The following GDPD5 variants were observed in gnomAD, a reference collection of about 807,000 sequenced individuals.
The protein encoded by GDPD5 is glycerophosphodiester phosphodiesterase 2.
A neutral mutation model predicts 75.1 loss-of-function variants in GDPD5; 48 were observed. The ratio of observed to expected loss-of-function variants is 0.64; its 90% CI spans 0.51 to 0.81. GDPD5 has a LOEUF of 0.81. Among genes scored for constraint, GDPD5 ranks in the 40% least tolerant of loss-of-function variants. The pLI is 0.00. For missense variants in GDPD5, 706 were observed against 822.6 expected, an observed-to-expected ratio of 0.86 and a Z score of 1.73; for synonymous variants, 336 against 339.0, an observed-to-expected ratio of 0.99 and a Z score of 0.10.
At chr11:75,447,205 G>A (rs898991499) in intron 9 of GDPD5, among the ~76,000 whole-genome samples, 1 of 152,132 alleles carries the variant, frequency 6.6e-6, no homozygotes, top group African/African-American at 2.4e-5. Context: ...CAAATCAAAA[G>A]GCACTCAGGA....
intron 4 of GDPD5, among the ~76,000 whole-genome samples, chr11:75,459,264 CT>C (rs1298371702): frequency 6.6e-6 from 1 of 151,946 alleles, no homozygotes; most frequent in African/African-American, 2.4e-5. Flanking sequence ...TTATACATAT[CT>C]TTCTGTATTT....
chr11:75,501,417 G>C (rs937069275), intron 1 of GDPD5, among the ~76,000 whole-genome samples: 1 of 152,224 alleles, frequency 6.6e-6, no homozygotes, highest in African/African-American at 2.4e-5. Context: ...GACATGAGTG[G>C]GCACACTGGC....
intron 1 of GDPD5, among the ~76,000 whole-genome samples, chr11:75,522,797 A>G (rs1941516402): frequency 6.6e-6 from 1 of 152,012 alleles, no homozygotes; most frequent in Non-Finnish European, 1.5e-5. Context: ...TTAATTATTC[A>G]CTGCACCTTG....
chr11:75,469,738 A>G (rs930465611), intron 3 of GDPD5, among the ~76,000 whole-genome samples: 1 of 152,242 alleles, frequency 6.6e-6, no homozygotes, highest in African/African-American at 2.4e-5. Context: ...TGGCCTGGAA[A>G]TGTGGGCAAG....
intron 6 of GDPD5, 22 bp downstream of exon 6, chr11:75,456,735 C>G (rs373739578): frequency 1.9e-6 from 3 of 1,613,672 alleles, no homozygotes; most frequent in South Asian, 1.1e-5. Context: ...TCTCTCCCAG[C>G]CCCGGCCGAG....
At chr11:75,456,890 G>T in intron 5 of GDPD5, 74 bp from the exon 6 acceptor site, 1 of 1,424,578 alleles carries the variant, frequency 7.0e-7, no homozygotes, top group Non-Finnish European at 9.9e-7. Flanking sequence ...CAGACACCCT[G>T]CTCCCCACTG....
At chr11:75,479,029 T>C (rs1949845514) in intron 2 of GDPD5, among the ~76,000 whole-genome samples, 1 of 152,158 alleles carries the variant, frequency 6.6e-6, no homozygotes, top group African/African-American at 2.4e-5. Flanking sequence ...AGAGGTGTCT[T>C]GAGGGTTGAA....
intron 9 of GDPD5, among the ~76,000 whole-genome samples, chr11:75,446,460 G>C (rs1289692047): frequency 6.6e-6 from 1 of 152,196 alleles, no homozygotes; most frequent in African/African-American, 2.4e-5. Context: ...GGTGTGCATA[G>C]GGGGGTGGTG....
In GDPD5 at chr11:75,457,712, G is replaced by A. The variant is rs1949314571; in HGVS notation, c.296C>T (p.Ala99Val). 6.2e-7 allele frequency: 1 copy of A among 1,614,034 alleles called. No homozygotes were observed. Among genetic ancestry groups the A allele is most frequent in the Admixed American group, 1.7e-5 (1 of 60,016 alleles). Residue 99 changes from alanine to valine, a missense_variant, in exon 5 of 17, where the codon GCA becomes GTA. Physicochemically the swap from Ala to Val is moderately conservative, Grantham distance 64. Transcript: ENST00000336898. Reference sequence around the variant, plus strand: ...ATGTACCAGGAGGCCAGCGATGTATGCGAAGGCAGCAGCTGTGGTCACAAG... The same window carrying A: ...ATGTACCAGGAGGCCAGCGATGTATACGAAGGCAGCAGCTGTGGTCACAAG... ...PILVTTAAAF[A>V]YIAGLLVLAL...
chr11:75,439,741 C>T (rs917768382), intron 15 of GDPD5, 138 bp downstream of exon 15: 9 of 707,910 alleles, frequency 1.3e-5, no homozygotes, highest in Non-Finnish European at 2.2e-5. Context: ...ATGGGGCCAC[C>T]GGAGTCCGTC....
At chr11:75,448,539 C>T (rs947685439) in intron 9 of GDPD5, 7 of 988,622 alleles carry the variant, frequency 7.1e-6, no homozygotes, top group African/African-American at 1.7e-5. Context: ...CAGAATGCGG[C>T]GCTGACTTTG....
At chr11:75,455,249 C>G in intron 6 of GDPD5, 1 of 453,436 alleles carries the variant, frequency 2.2e-6, no homozygotes, top group South Asian at 1.6e-5. Flanking sequence ...ACAGCATGTG[C>G]CAGCCCCACC....
intron 2 of GDPD5, among the ~76,000 whole-genome samples, chr11:75,478,498 G>A (rs1003024661): frequency 1.3e-5 from 2 of 152,180 alleles, no homozygotes; most frequent in South Asian, 2.1e-4. Flanking sequence ...TAAAACTGTA[G>A]CCCCTTCCCA....
intron 1 of GDPD5, among the ~76,000 whole-genome samples, chr11:75,499,034 C>T (rs1950259548): frequency 6.6e-6 from 1 of 152,070 alleles, no homozygotes; most frequent in East Asian, 1.9e-4. Context: ...ATTCCCTTAG[C>T]AGGTTTCCCT....
intron 1 of GDPD5, among the ~76,000 whole-genome samples, chr11:75,496,013 A>G (rs1950202444): frequency 6.6e-6 from 1 of 152,204 alleles, no homozygotes; most frequent in African/African-American, 2.4e-5. Flanking sequence ...AAATTTCCTC[A>G]GGGGCAGTGA....
intron 1 of GDPD5, among the ~76,000 whole-genome samples, chr11:75,513,136 T>G (rs1252277841): frequency 6.6e-6 from 1 of 152,022 alleles, no homozygotes; most frequent in Non-Finnish European, 1.5e-5. Context: ...ATAGAAAAAA[T>G]TCACAGACAA....
intron 1 of GDPD5, chr11:75,507,144 C>T (rs1311012048): frequency 1.3e-5 from 2 of 152,526 alleles, no homozygotes; most frequent in African/African-American, 4.8e-5. Context: ...CAAAGCTGCC[C>T]TGGGGCCCAC....
At chr11:75,495,140 G>A (rs1341140602) in intron 1 of GDPD5, among the ~76,000 whole-genome samples, 1 of 151,858 alleles carries the variant, frequency 6.6e-6, no homozygotes, top group Non-Finnish European at 1.5e-5. Context: ...GATGGCACGT[G>A]CCTGTAGTCT....
At chr11:75,450,788 A>AC (rs1555001186) in intron 6 of GDPD5, 1 of 48,318 alleles carries the variant, frequency 2.1e-5, no homozygotes, top group African/African-American at 8.7e-5. Flanking sequence ...ATCTCACTCC[A>AC]CCCACCCCCC....
Sources: gnomAD v4.1 joint callset for allele counts (sites outside exome capture counted in the v4.1 genomes callset) on GRCh38, gnomAD v4.1.1 for gene constraint, MANE v1.5 for transcripts, NCBI Gene and HGNC (gene_info 2026-07-23, HGNC 2026-07-21) for gene names.